Variants in PAQR5 observed in about 807,000 individuals in gnomAD.
PAQR5 encodes membrane progestin receptor gamma.
In PAQR5, 20 loss-of-function variants were observed where a neutral mutation model predicts 34.5. That is an observed-to-expected ratio of 0.58 (90% CI 0.41 to 0.84). The LOEUF is 0.84. Ranked by LOEUF, PAQR5 falls within the 40% of genes least tolerant of loss-of-function variation. The pLI is 0.00. For missense variants in PAQR5, 378 were observed against 412.7 expected, an observed-to-expected ratio of 0.92 and a Z score of 0.73; for synonymous variants, 131 against 155.6, an observed-to-expected ratio of 0.84 and a Z score of 1.18.
rs2053493041 is a variant in PAQR5, at chr15:69,299,964, A to T, written c.-277+908A>T. 1.3e-5 allele frequency among the ~76,000 whole-genome samples: 2 copies of T among 152,310 alleles called. 1 individual carries two copies. Among genetic ancestry groups the T allele is most frequent in the South Asian group, 4.1e-4 (2 of 4,828 alleles). On this transcript the variant is annotated intron_variant, in intron 1 of 8. Transcript: ENST00000395407. ...AAACCAATGGCGAGTAGATATTAAC[A>T]CATGGGCAGATGAGAAGACAAGGAG...
At chr15:69,339,104 A>G (rs1430785926) in intron 2 of PAQR5, among the ~76,000 whole-genome samples, 1 of 151,382 alleles carries the variant, frequency 6.6e-6, no homozygotes, top group African/African-American at 2.4e-5. Context: ...AGTCAGCGCA[A>G]GAAGACAGGT....
rs1012853896 is a variant in PAQR5, at chr15:69,360,065, C to G, written c.-16C>G. The G allele has an allele frequency of 6.8e-6, 11 of 1,612,318 alleles. No individual in the cohort carries two copies. The highest frequency in any genetic ancestry group is 1.6e-4 in the Middle Eastern group (1 of 6,080). ...GAGGCGCTGTCACCTACTGGCCTTG[C>G]CAATCCAGCTCCAAGATGCTGAGCC... On this transcript the variant is annotated 5_prime_UTR_variant, in exon 3 of 9. Coordinates refer to ENST00000395407, the MANE Select transcript of PAQR5 (RefSeq NM_017705.4).
At chr15:69,316,479 G>A (rs745837466) in intron 1 of PAQR5, among the ~76,000 whole-genome samples, 14 of 152,296 alleles carry the variant, frequency 9.2e-5, no homozygotes, top group African/African-American at 3.1e-4. Context: ...TTTCAGCCAC[G>A]GGGCTCTTAA....
chr15:69,403,560 G>A lies in PAQR5; in HGVS notation c.752-21G>A, dbSNP rs561456159. 169 of 1,611,736 alleles carry A rather than the reference G, an allele frequency of 1.0e-4. 1 individual carries two copies. The South Asian group carries it at 1.1e-3, about 10-fold the overall frequency. Reference sequence around the variant, plus strand: ...ATTCCTTTTCATTGCTGATCTTGACGGCCTTTTGTGTTTGCCATAGGTCAC... The same window carrying A: ...ATTCCTTTTCATTGCTGATCTTGACAGCCTTTTGTGTTTGCCATAGGTCAC... On this transcript the variant is annotated intron_variant, in intron 8 of 8. Coordinates refer to ENST00000395407, the MANE Select transcript of PAQR5 (RefSeq NM_017705.4).
Position 69,382,772 on chromosome 15 carries a change from GTGACCATATATATATATATATATA to G in PAQR5, c.180-1879_180-1856del, listed in dbSNP as rs1244665212. On this transcript the variant is annotated intron_variant, in intron 4 of 8. Coordinates refer to ENST00000395407, the MANE Select transcript of PAQR5 (RefSeq NM_017705.4). Reference sequence around the variant, plus strand: ...TGTGTATATATATGTGTATATATATGTGACCATATATATATATATATATATGACCATATATATATATATATATAT... The same window carrying G: ...TGTGTATATATATGTGTATATATATGTGACCATATATATATATATATATAT... The G allele has an allele frequency of 2.7e-3, 336 of 123,100 alleles. 5 individuals are homozygous for G. Among genetic ancestry groups the G allele is most frequent in the African/African-American group, 0.01 (304 of 29,730 alleles). The allele number at this position is 123,100 out of a possible 1,614,324, so 7.6% of individuals were successfully genotyped here.
intron 6 of PAQR5, among the ~76,000 whole-genome samples, chr15:69,390,462 T>G (rs2140961044): frequency 6.6e-6 from 1 of 152,088 alleles, no homozygotes; most frequent in East Asian, 1.9e-4. Flanking sequence ...TGCTGCATTC[T>G]TAATAATTTG....
chr15:69,360,915 A>G (rs12913187), intron 3 of PAQR5, among the ~76,000 whole-genome samples: 122,415 of 152,172 alleles, frequency 0.8, 52,290 homozygotes, highest in Non-Finnish European at 0.96. Context: ...CCCCAGAAAA[A>G]TAAGTTTGAA....
intron 1 of PAQR5, among the ~76,000 whole-genome samples, chr15:69,305,756 C>T (rs920012089): frequency 3.9e-5 from 6 of 152,090 alleles, no homozygotes; most frequent in South Asian, 2.1e-4. Context: ...CGCAAGGGCA[C>T]GCCTGCGCCG....
At chr15:69,359,434 C>A (rs1193720241) in intron 2 of PAQR5, among the ~76,000 whole-genome samples, 1 of 152,128 alleles carries the variant, frequency 6.6e-6, no homozygotes, top group Non-Finnish European at 1.5e-5. Context: ...TGAGCAATTC[C>A]TGTCCCTTTT....
intron 1 of PAQR5, among the ~76,000 whole-genome samples, chr15:69,301,242 G>A (rs1050093890): frequency 6.6e-6 from 1 of 151,990 alleles, no homozygotes; most frequent in Non-Finnish European, 1.5e-5. Flanking sequence ...AACATCAGAT[G>A]ACCCACCCGG....
intron 1 of PAQR5, among the ~76,000 whole-genome samples, chr15:69,300,590 CTTCTTTCTTTCT>C (rs71147600): frequency 0.091 from 3,844 of 42,302 alleles, 863 homozygotes; most frequent in Non-Finnish European, 0.12. Flanking sequence ...TCTTTCTTTC[CTTCTTTCTTTCT>C]TTCTTTCTTT....
intron 2 of PAQR5, among the ~76,000 whole-genome samples, chr15:69,340,258 A>C (rs1013186843): frequency 1.3e-5 from 2 of 152,176 alleles, no homozygotes; most frequent in South Asian, 2.1e-4. Flanking sequence ...ACAGTCATAC[A>C]TAACATAGCA....
At chr15:69,317,995 C>A (rs2053994011) in intron 1 of PAQR5, among the ~76,000 whole-genome samples, 1 of 152,262 alleles carries the variant, frequency 6.6e-6, no homozygotes, top group African/African-American at 2.4e-5. Flanking sequence ...GACTGCACCA[C>A]CATCCTTGCG....
intron 8 of PAQR5, among the ~76,000 whole-genome samples, chr15:69,402,902 C>A (rs918280764): frequency 5.3e-5 from 8 of 152,244 alleles, no homozygotes; most frequent in African/African-American, 1.9e-4. Context: ...CCCTGTCACT[C>A]CCACTACCCT....
chr15:69,400,199 G>T lies in PAQR5; in HGVS notation c.751+84G>T, dbSNP rs1439522391. On this transcript the variant is annotated intron_variant, in intron 8 of 8. Transcript: ENST00000395407. ...GTCCCTGACTCCAGTGCACGTAGCT[G>T]CAAAGGGCAGGGAAGGGCAGAGAGA... The T allele has an allele frequency of 1.4e-5, 20 of 1,380,016 alleles. No homozygotes were observed. In the East Asian group the frequency reaches 4.4e-4, roughly 30 times the overall value. The allele number at this position is 1,380,016 out of a possible 1,614,324, so 85.5% of individuals were successfully genotyped here.
chr15:69,390,915 G>A (rs1422746428), intron 6 of PAQR5, among the ~76,000 whole-genome samples: 1 of 151,700 alleles, frequency 6.6e-6, no homozygotes, highest in Admixed American at 6.6e-5. Flanking sequence ...AATTTATTCA[G>A]CTCTTTGTAG....
At position 69,358,417 on chromosome 15, in the gene PAQR5, C is replaced by T. The variant is rs534043074; in HGVS notation, c.-115-1549C>T. ...GTTGAGTTGCTTCTCTTGCTGTGAT[C>T]TGAGGCAGCTCCTGACCCTCTTCCA... is the stretch of plus-strand genomic sequence containing the variant. On this transcript the variant is annotated intron_variant, in intron 2 of 8. Transcript: ENST00000395407. Among the ~76,000 whole-genome samples the T allele has an allele frequency of 7.2e-5, 11 of 152,204 alleles. No individual in the cohort carries two copies. In the South Asian group the frequency reaches 2.1e-3, roughly 29 times the overall value.
At chr15:69,390,369 A>T (rs1180771411) in intron 6 of PAQR5, among the ~76,000 whole-genome samples, 59 of 27,894 alleles carry the variant, frequency 2.1e-3, no homozygotes, top group Non-Finnish European at 7.5e-3. Context: ...TATTTTTTTG[A>T]GACAGGGTCT....
intron 6 of PAQR5, among the ~76,000 whole-genome samples, chr15:69,394,138 G>A (rs1250576413): frequency 6.7e-6 from 1 of 149,984 alleles, no homozygotes; most frequent in Non-Finnish European, 1.5e-5. Context: ...TTTTCAAAGA[G>A]CTGCTGAGTG....
Sources: gnomAD v4.1 joint callset for allele counts (sites outside exome capture counted in the v4.1 genomes callset) on GRCh38, gnomAD v4.1.1 for gene constraint, MANE v1.5 for transcripts, NCBI Gene and HGNC (gene_info 2026-07-23, HGNC 2026-07-21) for gene names.